Variants in MTSS1 observed in about 807,000 individuals in gnomAD.
The protein encoded by MTSS1 is MTSS I-BAR domain containing 1.
Under a neutral mutation model 79.0 loss-of-function variants are expected in MTSS1, and 18 were observed. The observed-to-expected ratio is 0.23, with a 90% CI of 0.16 to 0.34. The LOEUF (loss-of-function observed/expected upper bound fraction) is 0.34. Among genes scored for constraint, MTSS1 ranks in the 10% least tolerant of loss-of-function variants. MTSS1 has a pLI of 1.00. For missense variants in MTSS1, 815 were observed against 986.2 expected (o/e 0.83, Z 2.33); for synonymous variants, 341 against 368.6 (o/e 0.93, Z 0.86).
intron 3 of MTSS1, among the ~76,000 whole-genome samples, chr8:124,655,650 T>C (rs945412411): frequency 9.9e-5 from 15 of 152,196 alleles, no homozygotes; most frequent in African/African-American, 3.6e-4. Context: ...GCCACACCCA[T>C]AATACAAGTT....
At chr8:124,692,789 G>C (rs1828171343) in intron 3 of MTSS1, among the ~76,000 whole-genome samples, 2 of 152,114 alleles carry the variant, frequency 1.3e-5, no homozygotes, top group African/African-American at 4.8e-5. Context: ...CTTCCCACCA[G>C]GATCCATGAG....
intron 3 of MTSS1, among the ~76,000 whole-genome samples, chr8:124,622,399 T>C (rs575997776): frequency 6.7e-6 from 1 of 149,300 alleles, no homozygotes; most frequent in South Asian, 2.1e-4. Flanking sequence ...AGAGACCTAA[T>C]GTGCATGAGG....
At chr8:124,620,235 T>A (rs535465995) in intron 3 of MTSS1, among the ~76,000 whole-genome samples, 204 of 152,212 alleles carry the variant, frequency 1.3e-3, no homozygotes, top group African/African-American at 4.7e-3. Context: ...AATGAGCCAC[T>A]GCGCCCAGCC....
chr8:124,673,384 CAA>C (rs58244482), intron 3 of MTSS1: 1,320 of 108,668 alleles, frequency 0.012, 24 homozygotes, highest in African/African-American at 0.042. Context: ...CTCTGTCTCA[CAA>C]AAAAAAAAAA....
intron 6 of MTSS1, chr8:124,577,486 G>A (rs1829182791): frequency 2.1e-6 from 1 of 486,892 alleles, no homozygotes; most frequent in Non-Finnish European, 4.1e-6. Flanking sequence ...ATGACCTCAA[G>A]TGATCCTCCC....
In MTSS1 at chr8:124,556,304, G is replaced by A. The variant is rs774073612; in HGVS notation, c.1332C>T (p.Thr444=). 54 of 1,614,094 alleles carry A rather than the reference G, an allele frequency of 3.3e-5. No individual in the cohort carries two copies. Among genetic ancestry groups the A allele is most frequent in the African/African-American group, 5.3e-5 (4 of 74,942 alleles). ...EPDPNGGGPT[T]ASGPPAAAEE... ...CAGCTGCTGCAGGTGGGCCGCTGGC[G>A]GTAGTGGGTCCTCCCCCGTTGGGGT... Residue 444 remains threonine (T), a synonymous_variant, in exon 12 of 14, where the codon ACC becomes ACT. Coordinates refer to ENST00000518547, the MANE Select transcript of MTSS1 (RefSeq NM_014751.6).
At chr8:124,624,880 A>T (rs1024449701) in intron 3 of MTSS1, among the ~76,000 whole-genome samples, 1 of 152,128 alleles carries the variant, frequency 6.6e-6, no homozygotes, top group African/African-American at 2.4e-5. Flanking sequence ...AAAATGGCAG[A>T]TGTCTGGCAA....
At chr8:124,568,072 A>T in intron 7 of MTSS1, 1 of 876,946 alleles carries the variant, frequency 1.1e-6, no homozygotes, top group Non-Finnish European at 1.6e-6. Flanking sequence ...TGGGCCCAAG[A>T]ACTTGCATTT....
At position 124,557,894 on chromosome 8, in the gene MTSS1, AG is replaced by A. The variant is rs541454594; in HGVS notation, c.1036-20del. The A allele has an allele frequency of 1.2e-3, 1,843 of 1,487,246 alleles. 3 individuals are homozygous for A. Among genetic ancestry groups the A allele is most frequent in the East Asian group, 2.6e-3 (103 of 40,336 alleles). The allele number at this position is 1,487,246 out of a possible 1,614,324, so 92.1% of individuals were successfully genotyped here. ...TAGACAACTGGAAACAAACAAAAAA[AG>A]GGGGGGGGAAGGAAAAAAAATTAAT... On this transcript the variant is annotated intron_variant, in intron 10 of 13. Transcript: ENST00000518547.
chr8:124,626,017 T>C lies in MTSS1; in HGVS notation c.209-34782A>G, dbSNP rs566347645. The stretch of plus-strand genomic sequence containing the variant: ...ATACGCAGCAGGAAACTGTGCAGAG[T>C]CTGATGAAGACTGAAAGGGAGAGGC... On this transcript the variant is annotated intron_variant, in intron 3 of 13. Coordinates refer to ENST00000518547, the MANE Select transcript of MTSS1 (RefSeq NM_014751.6). Among the ~76,000 whole-genome samples the C allele has an allele frequency of 2.0e-5, 3 of 152,126 alleles. No homozygotes were observed. The East Asian group carries it at 5.8e-4, about 29-fold the overall frequency.
chr8:124,717,127 T>C (rs1437274384), intron 1 of MTSS1, among the ~76,000 whole-genome samples: 2 of 151,876 alleles, frequency 1.3e-5, no homozygotes, highest in African/African-American at 4.8e-5. Context: ...CCTGCCCACA[T>C]CTTCACGGTT....
intron 1 of MTSS1, among the ~76,000 whole-genome samples, chr8:124,713,477 G>A (rs961377700): frequency 1.1e-4 from 16 of 152,318 alleles, no homozygotes; most frequent in Middle Eastern, 3.4e-3. Flanking sequence ...GGCTGGAGGT[G>A]CAGTGATGTG....
rs191191771 is a variant in MTSS1 at position 124,588,251 on chromosome 8, C to G, written c.385+1369G>C. ...CAAAGAGGCCTGTTTTAGGAGCCAC[C>G]ATTCACACTCCCAGAGCACCCGGTT... On this transcript the variant is annotated intron_variant, in intron 5 of 13. Coordinates refer to ENST00000518547, the MANE Select transcript of MTSS1 (RefSeq NM_014751.6). Among the ~76,000 whole-genome samples the G allele has an allele frequency of 1.1e-4, 17 of 152,290 alleles. No homozygotes were observed. In the East Asian group the frequency reaches 2.1e-3, roughly 19 times the overall value.
At chr8:124,570,678 A>C (rs942831323) in intron 6 of MTSS1, among the ~76,000 whole-genome samples, 1 of 152,082 alleles carries the variant, frequency 6.6e-6, no homozygotes, top group African/African-American at 2.4e-5. Context: ...ATATATAAGA[A>C]ATTTGCTGCT....
intron 3 of MTSS1, among the ~76,000 whole-genome samples, chr8:124,655,451 G>A (rs1820768279): frequency 6.6e-6 from 1 of 152,196 alleles, no homozygotes; most frequent in African/African-American, 2.4e-5. Context: ...CATCCCAGCA[G>A]AACAGGGAGG....
intron 7 of MTSS1, chr8:124,567,719 G>A: frequency 6.6e-7 from 1 of 1,512,000 alleles, no homozygotes; most frequent in Non-Finnish European, 8.8e-7. Context: ...TTATCGAAGT[G>A]CCAAGTTGGG....
chr8:124,558,716 C>G, intron 10 of MTSS1: 1 of 1,558,952 alleles, frequency 6.4e-7, no homozygotes, highest in Non-Finnish European at 8.6e-7. Flanking sequence ...CGGTCACCTT[C>G]TCTGTGGACA....
chr8:124,606,974 A>G (rs1459590441), intron 3 of MTSS1, among the ~76,000 whole-genome samples: 2 of 152,110 alleles, frequency 1.3e-5, no homozygotes, highest in East Asian at 1.9e-4. Flanking sequence ...TCTTAGCAGG[A>G]GGCATCTTCA....
At chr8:124,691,724 C>T (rs1299937317) in intron 3 of MTSS1, among the ~76,000 whole-genome samples, 1 of 152,130 alleles carries the variant, frequency 6.6e-6, no homozygotes, top group African/African-American at 2.4e-5. Context: ...CCATATTGGC[C>T]AGGCTGGTCT....
Sources: gnomAD v4.1 joint callset for allele counts (sites outside exome capture counted in the v4.1 genomes callset) on GRCh38, gnomAD v4.1.1 for gene constraint, MANE v1.5 for transcripts, NCBI Gene and HGNC (gene_info 2026-07-23, HGNC 2026-07-21) for gene names.